The following CCDC33 variants were observed in gnomAD, a reference collection of about 807,000 sequenced individuals.
The protein encoded by CCDC33 is coiled-coil domain-containing protein 33.
A neutral mutation model predicts 91.9 loss-of-function variants in CCDC33; 94 were observed. The ratio of observed to expected loss-of-function variants is 1.02; its 90% confidence interval spans 0.87 to 1.21. The LOEUF (loss-of-function observed/expected upper bound fraction) is 1.21, where lower values mean the gene tolerates loss of function less well. Ranked by LOEUF, CCDC33 falls within the 50% of genes most tolerant of loss-of-function variation. The pLI is 0.00. For synonymous variants in CCDC33, 396 were observed against 374.5 expected, an observed-to-expected ratio of 1.06 and a Z score of -0.66; for missense variants, 940 against 935.5, an observed-to-expected ratio of 1.00 and a Z score of -0.06.
intron 2 of CCDC33, among the ~76,000 whole-genome samples, chr15:74,222,131 A>G (rs553745507): frequency 2.9e-4 from 44 of 152,068 alleles, no homozygotes; most frequent in Non-Finnish European, 5.7e-4. Flanking sequence ...GGAGACCACA[A>G]CAGCTGTGGG....
intron 1 of CCDC33, among the ~76,000 whole-genome samples, chr15:74,205,689 G>A (rs1180113038): frequency 2.0e-5 from 3 of 152,182 alleles, no homozygotes; most frequent in Non-Finnish European, 2.9e-5. Flanking sequence ...ATCTGCCCAG[G>A]GGCTGCAGCC....
exon 1 of CCDC33, chr15:74,203,073 G>A (rs1372181928): frequency 1.0e-6 from 1 of 985,692 alleles, no homozygotes; most frequent in Non-Finnish European, 1.2e-6. Flanking sequence ...ACACAGACAG[G>A]AGACCAGCAT....
At position 74,280,579 on chromosome 15, in the gene CCDC33, G is replaced by T. The variant is rs758370149; in HGVS notation, c.890-89G>T. On this transcript the variant is annotated intron_variant, in intron 8 of 18. Coordinates refer to ENST00000398814, the MANE Select transcript of CCDC33 (RefSeq NM_025055.5). ...GCCAGGAGGCAGGAAAGCAGGCAGCGGGAGACAGGAGGACTGGATGTCAGG... is the reference window on the plus strand; with the variant it reads ...GCCAGGAGGCAGGAAAGCAGGCAGCTGGAGACAGGAGGACTGGATGTCAGG... The T allele has an allele frequency of 9.4e-6, 13 of 1,388,420 alleles. No individual in the cohort carries two copies. The Admixed American group carries it at 3.3e-4, about 35-fold the overall frequency. The allele number at this position is 1,388,420 out of a possible 1,614,324, so 86.0% of individuals were successfully genotyped here.
chr15:74,332,617 C>A (rs1455617950), intron 15 of CCDC33, 62 bp from the exon 16 acceptor site: 2 of 1,572,272 alleles, frequency 1.3e-6, no homozygotes, highest in Non-Finnish European at 8.7e-7. Context: ...TGGAGCAGAT[C>A]AGGACAGGGA....
chr15:74,239,024 T>C (rs1039104654), intron 1 of CCDC33, among the ~76,000 whole-genome samples: 1 of 152,226 alleles, frequency 6.6e-6, no homozygotes, highest in African/African-American at 2.4e-5. Flanking sequence ...AGAAGGAACA[T>C]GGGGGACCAT....
At position 74,273,036 on chromosome 15, in the gene CCDC33, CT is replaced by C. The variant is rs796558376; in HGVS notation, c.759+146del. ...ACGGCATACCCAGTGCTGTGCTCGC[CT>C]GTGCGGCAGAGAAACTGCCCTCCAG... On this transcript the variant is annotated intron_variant, in intron 7 of 18. Coordinates refer to ENST00000398814, the MANE Select transcript of CCDC33 (RefSeq NM_025055.5). 1.9e-5 allele frequency: 22 copies of C among 1,165,614 alleles called. No individual in the cohort carries two copies. In the South Asian group the frequency reaches 1.9e-4, roughly 10 times the overall value. 72.2% of individuals were successfully genotyped at this position (1,165,614 alleles called of 1,614,324 possible).
chr15:74,331,396 A>G, intron 15 of CCDC33, 100 bp downstream of exon 15: 2 of 1,200,760 alleles, frequency 1.7e-6, no homozygotes, highest in Non-Finnish European at 2.4e-6. Flanking sequence ...ACCTGCGAAG[A>G]GGTCCCCTGC....
chr15:74,215,886 A>AAAAAG (rs1347849570), upstream of CCDC33, among the ~76,000 whole-genome samples: 210 of 113,908 alleles, frequency 1.8e-3, no homozygotes, highest in African/African-American at 5.9e-3. Flanking sequence ...AAAAAAAAAA[A>AAAAAG]AAAGAAAGAA....
chr15:74,317,483 A>G (rs1203076645), intron 11 of CCDC33, among the ~76,000 whole-genome samples: 1 of 152,236 alleles, frequency 6.6e-6, no homozygotes, highest in Non-Finnish European at 1.5e-5. Flanking sequence ...CCCTGTGCAG[A>G]GTGCTGAGCT....
chr15:74,233,953 C>T (rs376847152), upstream of CCDC33, among the ~76,000 whole-genome samples: 16 of 152,198 alleles, frequency 1.1e-4, no homozygotes, highest in Admixed American at 3.3e-4. Context: ...AGTCAGGAGG[C>T]GGGGGCGTCT....
intron 1 of CCDC33, among the ~76,000 whole-genome samples, chr15:74,207,118 C>T (rs2074276837): frequency 6.6e-6 from 1 of 152,186 alleles, no homozygotes; most frequent in Admixed American, 6.5e-5. Context: ...GTTGATTAAA[C>T]CTGAGGAATT....
chr15:74,203,300 T>C, intron 1 of CCDC33: 1 of 754,754 alleles, frequency 1.3e-6, no homozygotes, highest in Non-Finnish European at 1.6e-6. Context: ...GACCCACGGG[T>C]AGGCAAGAGG....
chr15:74,333,313 G>C (rs1238638831), intron 16 of CCDC33: 1 of 1,585,754 alleles, frequency 6.3e-7, no homozygotes, highest in Non-Finnish European at 8.6e-7. Context: ...CAGAGACCCT[G>C]CCCGCACAGG....
chr15:74,221,243 T>TTTC, intron 2 of CCDC33: 3 of 594,166 alleles, frequency 5.0e-6, no homozygotes, highest in Non-Finnish European at 6.1e-6. Context: ...TTTTTTTTTT[T>TTTC]CACCAGAACT....
At chr15:74,281,655 C>T (rs1316565816) in intron 9 of CCDC33, 123 bp from the exon 10 acceptor site, 1 of 843,306 alleles carries the variant, frequency 1.2e-6, no homozygotes, top group Non-Finnish European at 1.9e-6. Flanking sequence ...CTCCCACCTC[C>T]CTCCCACCCT....
chr15:74,217,324 G>C (rs1423958158), exon 1 of CCDC33: 1 of 1,289,410 alleles, frequency 7.8e-7, no homozygotes, highest in Non-Finnish European at 1.0e-6. Flanking sequence ...CTGAGACAGA[G>C]GCTGAAGGCC....
intron 1 of CCDC33, chr15:74,207,894 C>G (rs1297415167): frequency 1.3e-6 from 2 of 1,493,588 alleles, no homozygotes; most frequent in Non-Finnish European, 1.8e-6. Flanking sequence ...AAGGCAGTGT[C>G]GTCGGCTGCC....
intron 2 of CCDC33, chr15:74,221,111 T>TCAG: frequency 1.3e-6 from 1 of 763,872 alleles, no homozygotes; most frequent in Non-Finnish European, 1.6e-6. Context: ...CAAGTTATCC[T>TCAG]CAGTCCTGAC....
intron 5 of CCDC33, among the ~76,000 whole-genome samples, chr15:74,270,794 G>A (rs1312677213): frequency 6.6e-6 from 1 of 152,110 alleles, no homozygotes; most frequent in Admixed American, 6.5e-5. Flanking sequence ...CTGAGCAGGG[G>A]GTCAGTGAGG....
Sources: gnomAD v4.1 joint callset for allele counts (sites outside exome capture counted in the v4.1 genomes callset) on GRCh38, gnomAD v4.1.1 for gene constraint, MANE v1.5 for transcripts, NCBI Gene and HGNC (gene_info 2026-07-23, HGNC 2026-07-21) for gene names.